Variants in SNTG2 observed in about 807,000 individuals in gnomAD.
SNTG2 encodes syntrophin gamma 2, also known as gamma-2-syntrophin.
SNTG2 carries 74 observed loss-of-function variants against 70.9 expected under a neutral mutation model. The observed-to-expected ratio is 1.04, with a 90% CI of 0.86 to 1.27. The LOEUF is 1.27. Among genes scored for constraint, SNTG2 ranks in the 50% most tolerant of loss-of-function variants. The pLI, the probability that SNTG2 is intolerant of heterozygous loss-of-function variation, is 0.00. For synonymous variants in SNTG2, 278 were observed against 273.8 expected, an observed-to-expected ratio of 1.02 and a Z score of -0.15; for missense variants, 717 against 690.7, an observed-to-expected ratio of 1.04 and a Z score of -0.43.
chr2:1,237,994 A>G lies in SNTG2; in HGVS notation c.826A>G (p.Ile276Val), dbSNP rs1676792726. 1.2e-6 allele frequency: 2 copies of G among 1,610,520 alleles called. No homozygotes were observed. The highest frequency in any genetic ancestry group is 4.5e-5 in the East Asian group (2 of 44,846). Residue 276 changes from isoleucine to valine, a missense_variant, in exon 10 of 17, where the codon ATC becomes GTC. Physicochemically the swap from Ile to Val is conservative, Grantham distance 29. Coordinates refer to ENST00000308624, the MANE Select transcript of SNTG2 (RefSeq NM_018968.4). ...CTGGCTGCGGGCGGTCTCAGCCAAC[A>G]TCAGGGAGCTGACACTTCAGAACGT... Reference protein sequence around the residue: ...TDWLRAVSANIRELTLQNMKM... With the variant: ...TDWLRAVSANVRELTLQNMKM...
chr2:1,321,523 C>T (rs1558206314), intron 16 of SNTG2, among the ~76,000 whole-genome samples: 1 of 152,094 alleles, frequency 6.6e-6, no homozygotes, highest in Non-Finnish European at 1.5e-5. Flanking sequence ...GATACTGAGA[C>T]CTGGCTGCTG....
At chr2:1,122,512 G>C (rs28841344) in intron 4 of SNTG2, among the ~76,000 whole-genome samples, 71,148 of 151,928 alleles carry the variant, frequency 0.47, 17,630 homozygotes, top group East Asian at 0.66. Context: ...AAAATCATTT[G>C]ACAAAGCCCA....
intron 1 of SNTG2, among the ~76,000 whole-genome samples, chr2:970,410 C>T (rs1660698673): frequency 7.7e-6 from 1 of 130,014 alleles, no homozygotes; most frequent in African/African-American, 2.8e-5. Flanking sequence ...CAATGCTATC[C>T]CTCCCCCCTC....
intron 16 of SNTG2, among the ~76,000 whole-genome samples, chr2:1,320,583 C>T (rs546817963): frequency 6.7e-6 from 1 of 148,476 alleles, no homozygotes; most frequent in Admixed American, 6.7e-5. Flanking sequence ...AGAAAAAAAT[C>T]ACGTAGAATT....
chr2:1,053,705 C>T (rs1327577228), intron 1 of SNTG2, among the ~76,000 whole-genome samples: 1 of 152,138 alleles, frequency 6.6e-6, no homozygotes, highest in Non-Finnish European at 1.5e-5. Context: ...AGTTAGGCCT[C>T]CATGTGGTGA....
chr2:964,912 C>T (rs1052077181), intron 1 of SNTG2, among the ~76,000 whole-genome samples: 3 of 152,090 alleles, frequency 2.0e-5, no homozygotes, highest in Admixed American at 6.5e-5. Flanking sequence ...GGGTGGCAGC[C>T]CCCTCTGTCC....
intron 8 of SNTG2, among the ~76,000 whole-genome samples, chr2:1,174,237 G>A (rs1475907614): frequency 1.3e-5 from 2 of 151,784 alleles, no homozygotes; most frequent in African/African-American, 2.4e-5. Flanking sequence ...AGAGATATAA[G>A]GCATCCTGAA....
In SNTG2 at chr2:1,367,516, T is replaced by C; in HGVS notation, c.*42T>C. On this transcript the variant is annotated 3_prime_UTR_variant, in exon 17 of 17. Coordinates refer to ENST00000308624, the MANE Select transcript of SNTG2 (RefSeq NM_018968.4). Reference sequence around the variant, plus strand: ...GTGCTGAAAAATTAAATTATTTTCGTAAGAAATGATTCTTTCCTGCAGAAT... The same window carrying C: ...GTGCTGAAAAATTAAATTATTTTCGCAAGAAATGATTCTTTCCTGCAGAAT... The C allele has an allele frequency of 6.5e-7, 1 of 1,544,110 alleles. No homozygotes were observed. Among genetic ancestry groups the C allele is most frequent in the Non-Finnish European group, 8.7e-7 (1 of 1,142,878 alleles).
At chr2:1,090,171 T>C (rs1334510184) in intron 2 of SNTG2, among the ~76,000 whole-genome samples, 3 of 152,242 alleles carry the variant, frequency 2.0e-5, no homozygotes, top group Non-Finnish European at 1.5e-5. Context: ...CTGCTCCATG[T>C]AGATCTACTT....
rs1161397988 is a variant in SNTG2, at chr2:957,829, A to T, written c.72+6761A>T. 2.0e-5 allele frequency among the ~76,000 whole-genome samples: 3 copies of T among 152,266 alleles called. No homozygotes were observed. In the East Asian group the frequency reaches 5.8e-4, roughly 29 times the overall value. On this transcript the variant is annotated intron_variant, in intron 1 of 16. Coordinates refer to ENST00000308624, the MANE Select transcript of SNTG2 (RefSeq NM_018968.4). ...TCCCTGGAGCCTCTGGAGGAATTTGATCCTGGACTTCTGGCTTCCAGAACT... is the reference window on the plus strand; with the variant it reads ...TCCCTGGAGCCTCTGGAGGAATTTGTTCCTGGACTTCTGGCTTCCAGAACT...
intron 16 of SNTG2, among the ~76,000 whole-genome samples, chr2:1,327,474 T>C (rs1681809165): frequency 1.3e-5 from 2 of 152,212 alleles, no homozygotes; most frequent in Admixed American, 6.5e-5. Context: ...GAGAAGCCTT[T>C]TTAAGTAAAC....
rs527898501 is a variant in SNTG2 at position 1,226,465 on chromosome 2, G to A, written c.720-11423G>A. ...AACTGGGAATACAGGCGGCATTTCC[G>A]TTGGAATCACCCCATCAGTATGGAA... is the stretch of plus-strand genomic sequence containing the variant. On this transcript the variant is annotated intron_variant, in intron 9 of 16. Coordinates refer to ENST00000308624, the MANE Select transcript of SNTG2 (RefSeq NM_018968.4). 2.2e-4 allele frequency among the ~76,000 whole-genome samples: 33 copies of A among 152,246 alleles called. 1 individual carries two copies. The South Asian group carries it at 5.6e-3, about 26-fold the overall frequency.
rs72770664 is a variant in SNTG2, at chr2:1,299,848, G to A, written c.1285-8646G>A. ...AAAATGAGGATGAAAGCACCATCTCGTGAGTTTACCATGAGAATTCAACGT... is the reference window on the plus strand; with the variant it reads ...AAAATGAGGATGAAAGCACCATCTCATGAGTTTACCATGAGAATTCAACGT... On this transcript the variant is annotated intron_variant, in intron 14 of 16. Transcript: ENST00000308624. Among the ~76,000 whole-genome samples the A allele has an allele frequency of 7.2e-4, 109 of 152,312 alleles. 1 individual carries two copies. The highest frequency in any genetic ancestry group is 3.4e-3 in the Middle Eastern group (1 of 294).
intron 16 of SNTG2, among the ~76,000 whole-genome samples, chr2:1,326,930 C>G (rs1214123813): frequency 1.3e-5 from 2 of 151,898 alleles, no homozygotes; most frequent in Admixed American, 6.6e-5. Flanking sequence ...TTAGAATAAC[C>G]TTTACATTAG....
At chr2:1,018,829 C>A (rs1659997905) in intron 1 of SNTG2, among the ~76,000 whole-genome samples, 1 of 152,214 alleles carries the variant, frequency 6.6e-6, no homozygotes, top group African/African-American at 2.4e-5. Context: ...ACTTAATGGG[C>A]CATCACATTA....
chr2:1,054,087 G>C (rs114160650), intron 1 of SNTG2, among the ~76,000 whole-genome samples: 2 of 152,132 alleles, frequency 1.3e-5, no homozygotes, highest in Non-Finnish European at 2.9e-5. Flanking sequence ...CAGGCACCAC[G>C]CCTGCCACCT....
intron 8 of SNTG2, among the ~76,000 whole-genome samples, chr2:1,199,635 CA>C (rs1448338016): frequency 6.6e-6 from 1 of 151,778 alleles, no homozygotes; most frequent in Admixed American, 6.6e-5. Flanking sequence ...AAGACTTCAC[CA>C]AAAAACTCTT....
chr2:1,217,866 A>G (rs557760441), intron 9 of SNTG2, among the ~76,000 whole-genome samples: 3 of 152,282 alleles, frequency 2.0e-5, no homozygotes, highest in South Asian at 2.1e-4. Flanking sequence ...CAAACTTAGC[A>G]GGTAACACAA....
intron 9 of SNTG2, among the ~76,000 whole-genome samples, chr2:1,229,755 G>A (rs1334257908): frequency 6.6e-6 from 1 of 152,256 alleles, no homozygotes; most frequent in Admixed American, 6.5e-5. Context: ...CCGGAAGGCA[G>A]CCAAGGCCCA....
Sources: gnomAD v4.1 joint callset for allele counts (sites outside exome capture counted in the v4.1 genomes callset) on GRCh38, gnomAD v4.1.1 for gene constraint, MANE v1.5 for transcripts, NCBI Gene and HGNC (gene_info 2026-07-23, HGNC 2026-07-21) for gene names.